SSBP3: variants seen among roughly 807,000 people sequenced by gnomAD.
SSBP3 encodes single stranded DNA binding protein 3.
Under a neutral mutation model 69.6 loss-of-function variants are expected in SSBP3, and 5 were observed. The observed-to-expected ratio is 0.07, with a 90% CI of 0.04 to 0.15. SSBP3 has a LOEUF of 0.15. SSBP3 is among the 10% of genes least tolerant of loss of function. The probability of loss-of-function intolerance (pLI) is 1.00; values close to 1 mark genes in which losing one functional copy is unlikely to be tolerated. For synonymous variants in SSBP3, 196 were observed against 193.4 expected (o/e 1.01, Z -0.11); for missense variants, 312 against 534.0 (o/e 0.58, Z 4.10).
At chr1:54,354,389 T>C (rs987737575) in intron 4 of SSBP3, among the ~76,000 whole-genome samples, 3 of 152,106 alleles carry the variant, frequency 2.0e-5, no homozygotes, top group Non-Finnish European at 2.9e-5. Context: ...CTCAATGGAC[T>C]CTGAGGGTCA....
At chr1:54,345,136 G>A (rs896142450) in intron 4 of SSBP3, among the ~76,000 whole-genome samples, 3 of 152,168 alleles carry the variant, frequency 2.0e-5, no homozygotes, top group African/African-American at 7.2e-5. Flanking sequence ...TGCGTGGCCA[G>A]CAGGCTCAGT....
At chr1:54,357,787 C>T (rs938964000) in intron 4 of SSBP3, among the ~76,000 whole-genome samples, 3 of 152,216 alleles carry the variant, frequency 2.0e-5, no homozygotes, top group African/African-American at 7.2e-5. Flanking sequence ...ATAAGACACA[C>T]CACAAATGGC....
At chr1:54,337,394 A>G (rs1268035161) in intron 4 of SSBP3, among the ~76,000 whole-genome samples, 1 of 148,436 alleles carries the variant, frequency 6.7e-6, no homozygotes, top group Non-Finnish European at 1.5e-5. Context: ...ATCTTAGGGC[A>G]GGCTTTGTGC....
In SSBP3 at chr1:54,231,030, TAGG is replaced by T. The variant is rs766268927; in HGVS notation, c.928-2207_928-2205del. 5.9e-5 allele frequency among the ~76,000 whole-genome samples: 9 copies of T among 152,316 alleles called. No individual in the cohort carries two copies. In the South Asian group the frequency reaches 1.2e-3, roughly 21 times the overall value. On this transcript the variant is annotated intron_variant, in intron 14 of 17. Coordinates refer to ENST00000610401, the Ensembl canonical transcript of SSBP3. ...TTTTCATTTCTCTTGGGCAGATACC[TAGG>T]AGGAGAACTGCTGGGTCATAGGGTA...
At chr1:54,320,102 G>A (rs536595383) in intron 4 of SSBP3, among the ~76,000 whole-genome samples, 6 of 152,246 alleles carry the variant, frequency 3.9e-5, no homozygotes, top group East Asian at 1.9e-4. Context: ...TGAATCAGAG[G>A]CCTCCCTGCC....
At chr1:54,371,900 C>T (rs1647141806) in intron 4 of SSBP3, among the ~76,000 whole-genome samples, 1 of 152,188 alleles carries the variant, frequency 6.6e-6, no homozygotes, top group Non-Finnish European at 1.5e-5. Context: ...CCTCCCACAA[C>T]ATGAGGCACT....
chr1:54,357,463 A>G (rs1372540035), intron 4 of SSBP3, among the ~76,000 whole-genome samples: 1 of 152,138 alleles, frequency 6.6e-6, no homozygotes, highest in African/African-American at 2.4e-5. Flanking sequence ...GGGTGCTAGC[A>G]CTATTTGTGA....
intron 4 of SSBP3, among the ~76,000 whole-genome samples, chr1:54,295,067 T>A (rs1302799587): frequency 6.6e-6 from 1 of 152,132 alleles, no homozygotes; most frequent in Non-Finnish European, 1.5e-5. Flanking sequence ...CCTGAGCTCA[T>A]GCGGGAGGAA....
intron 17 of SSBP3, 99 bp from the exon 18 acceptor site, chr1:54,227,259 G>A: frequency 1.3e-6 from 1 of 767,324 alleles, no homozygotes; most frequent in Non-Finnish European, 2.3e-6. Flanking sequence ...ACAGAACTGA[G>A]CAGGGCTCAT....
Position 54,349,079 on chromosome 1 carries a change from T to C in SSBP3, c.276+52782A>G, listed in dbSNP as rs12134214. On this transcript the variant is annotated intron_variant, in intron 4 of 17. Coordinates refer to ENST00000610401, the Ensembl canonical transcript of SSBP3. ...CTCGTCTGCAAAGATAAGATGACAA[T>C]TACCTGTCTGAACAAAGCTCTTCTG... Among the ~76,000 whole-genome samples the C allele has an allele frequency of 5.8e-3, 879 of 152,316 alleles. 8 individuals carry two copies. The highest frequency in any genetic ancestry group is 9.3e-3 in the Non-Finnish European group (636 of 68,022).
At chr1:54,356,938 C>T (rs750479380) in intron 4 of SSBP3, 2 of 152,276 alleles carry the variant, frequency 1.3e-5, no homozygotes, top group Non-Finnish European at 2.9e-5. Context: ...TTCATAAAAT[C>T]ACACAGACGC....
intron 4 of SSBP3, among the ~76,000 whole-genome samples, chr1:54,352,044 C>T (rs1646788484): frequency 6.6e-6 from 1 of 152,148 alleles, no homozygotes; most frequent in African/African-American, 2.4e-5. Context: ...GCCTGTAGTC[C>T]CAGCTACTTG....
At chr1:54,239,228 G>A in intron 13 of SSBP3, 29 bp from the exon 14 acceptor site, 2 of 1,562,822 alleles carry the variant, frequency 1.3e-6, no homozygotes, top group South Asian at 1.2e-5. Context: ...CCACAAGTCG[G>A]GGTGATTAAT....
chr1:54,296,670 C>T (rs12118138), intron 4 of SSBP3, among the ~76,000 whole-genome samples: 27,433 of 152,226 alleles, frequency 0.18, 2,958 homozygotes, highest in African/African-American at 0.29. Flanking sequence ...CCTCACACGA[C>T]TTGTGAGGGT....
intron 3 of SSBP3, among the ~76,000 whole-genome samples, chr1:54,403,896 C>T (rs1649487054): frequency 6.6e-6 from 1 of 151,994 alleles, no homozygotes; most frequent in African/African-American, 2.4e-5. Context: ...GGCCCCACAC[C>T]CAAAGGACAC....
At chr1:54,400,865 G>A (rs1035502488) in intron 4 of SSBP3, among the ~76,000 whole-genome samples, 1 of 152,244 alleles carries the variant, frequency 6.6e-6, no homozygotes, top group East Asian at 1.9e-4. Context: ...CAGATGGCTG[G>A]GCCAAGCAGG....
chr1:54,353,307 C>T (rs1646812563), intron 4 of SSBP3, among the ~76,000 whole-genome samples: 1 of 152,174 alleles, frequency 6.6e-6, no homozygotes. Flanking sequence ...AACTGCAGGC[C>T]AAAATCCAAG....
At chr1:54,310,935 G>A (rs749913498) in intron 4 of SSBP3, among the ~76,000 whole-genome samples, 7 of 152,208 alleles carry the variant, frequency 4.6e-5, no homozygotes, top group Non-Finnish European at 7.3e-5. Flanking sequence ...CTGGGTCTCC[G>A]TGTGGGGGCT....
At position 54,242,949 on chromosome 1, in the gene SSBP3, CA is replaced by C. The variant is rs965999538; in HGVS notation, c.716+285del. 7.9e-4 allele frequency: 272 copies of C among 346,482 alleles called. 1 individual carries two copies. The highest frequency in any genetic ancestry group is 3.2e-3 in the East Asian group (65 of 20,494). The allele number at this position is 346,482 out of a possible 1,614,324, so 21.5% of individuals were successfully genotyped here. A position where few individuals can be genotyped will look rare whatever the true frequency, so the allele number is the denominator to read the frequency against. ...TGGACAACAGAATGTGACTCTGTCT[CA>C]AAAAAAATAAAAATAAAAATAAAAA... is the stretch of plus-strand genomic sequence containing the variant. On this transcript the variant is annotated intron_variant, in intron 10 of 17. Transcript: ENST00000610401.
Sources: allele counts gnomAD v4.1 joint callset (sites outside exome capture counted in the v4.1 genomes callset), GRCh38; gene constraint gnomAD v4.1.1; transcripts MANE v1.5; gene names NCBI Gene and HGNC (gene_info 2026-07-23, HGNC 2026-07-21).